Variants in PCNX4 observed in about 807,000 individuals in gnomAD.
The protein encoded by PCNX4 is pecanex 4, also known as pecanex-like protein 4.
Under a neutral mutation model 107.2 loss-of-function variants are expected in PCNX4, and 103 were observed. That is an observed-to-expected ratio of 0.96 (90% CI 0.82 to 1.13). The LOEUF (loss-of-function observed/expected upper bound fraction) is 1.13. Ranked by LOEUF, PCNX4 falls within the 50% of genes most tolerant of loss-of-function variation. The probability of loss-of-function intolerance (pLI) is 0.00; values close to 1 mark genes in which losing one functional copy is unlikely to be tolerated. For missense variants in PCNX4, 1,528 were observed against 1,379.4 expected, an observed-to-expected ratio of 1.11 and a Z score of -1.71; for synonymous variants, 541 against 481.7, an observed-to-expected ratio of 1.12 and a Z score of -1.61.
chr14:60,092,617 A>G (rs1895326006), intron 1 of PCNX4, among the ~76,000 whole-genome samples, 198 bp downstream of exon 1: 1 of 152,174 alleles, frequency 6.6e-6, no homozygotes, highest in African/African-American at 2.4e-5. Flanking sequence ...TGTGATTTTA[A>G]CTTTCCTTTG....
chr14:60,138,294 T>C lies in PCNX4; in HGVS notation c.*4073T>C, dbSNP rs544520674. The C allele has an allele frequency of 1.3e-5, 2 of 152,288 alleles. No homozygotes were observed. Among genetic ancestry groups the C allele is most frequent in the East Asian group, 3.9e-4 (2 of 5,190 alleles). 9.4% of individuals were successfully genotyped at this position (152,288 alleles called of 1,614,324 possible). On this transcript the variant is annotated 3_prime_UTR_variant, in exon 11 of 11. Transcript: ENST00000406854. ...AGATCTAACATACACGTAACTGGATTTCCAGGAGAAGAGAGAATATGGCAG... is the reference window on the plus strand; with the variant it reads ...AGATCTAACATACACGTAACTGGATCTCCAGGAGAAGAGAGAATATGGCAG...
Position 60,121,294 on chromosome 14 carries a change from A to G in PCNX4, c.2041A>G (p.Ile681Val), listed in dbSNP as rs573631882. 1.9e-6 allele frequency: 3 copies of G among 1,608,334 alleles called. No individual in the cohort carries two copies. The highest frequency in any genetic ancestry group is 2.2e-5 in the South Asian group (2 of 89,998). ...TGGCTATACTTACTGCTCTATTAAC[A>G]TTAAGGTCAGTGTGCATATAAAACA... ...ECGYTYCSIN[I>V]KGLELQETSC... Residue 681 changes from isoleucine (I) to valine (V), a missense_variant, in exon 8 of 11, where the codon ATT becomes GTT. By Grantham distance (29) the Ile-to-Val change is conservative (BLOSUM62 3). Transcript: ENST00000406854.
intron 1 of PCNX4, among the ~76,000 whole-genome samples, chr14:60,099,553 T>TAC (rs1895490218): frequency 6.6e-6 from 1 of 152,216 alleles, no homozygotes; most frequent in African/African-American, 2.4e-5. Flanking sequence ...TTTACTGGAT[T>TAC]GTAACCTTTG....
intron 2 of PCNX4, chr14:60,109,279 T>A (rs1319118328): frequency 6.0e-6 from 1 of 167,146 alleles, no homozygotes; most frequent in African/African-American, 2.4e-5. Context: ...TGATGTTGTT[T>A]AAGCCACTCA....
At chr14:60,123,836 T>G (rs1292332606) in intron 8 of PCNX4, among the ~76,000 whole-genome samples, 1 of 152,134 alleles carries the variant, frequency 6.6e-6, no homozygotes, top group Non-Finnish European at 1.5e-5. Flanking sequence ...CATATAATAC[T>G]ACTGTATATA....
At chr14:60,116,941 T>G (rs1326151426) in intron 6 of PCNX4, among the ~76,000 whole-genome samples, 1 of 152,094 alleles carries the variant, frequency 6.6e-6, no homozygotes, top group African/African-American at 2.4e-5. Context: ...AGTTAAAAAT[T>G]TTTAAATAGA....
intron 1 of PCNX4, among the ~76,000 whole-genome samples, chr14:60,100,241 AT>A (rs1555392428): frequency 6.6e-6 from 1 of 152,174 alleles, no homozygotes; most frequent in Non-Finnish European, 1.5e-5. Context: ...CAAAAAAAAA[AT>A]ACCATTTTTC....
chr14:60,097,075 A>C (rs947321307), intron 1 of PCNX4, among the ~76,000 whole-genome samples: 16 of 152,124 alleles, frequency 1.1e-4, no homozygotes, highest in African/African-American at 3.9e-4. Flanking sequence ...TTCTGGCTAC[A>C]AGTTTCTAAA....
rs79894795 is a variant in PCNX4, at chr14:60,140,947, GA to G, written c.*6729del. 0.27 allele frequency: 40,932 copies of G among 152,034 alleles called. 7,446 individuals carry two copies. The highest frequency in any genetic ancestry group is 0.51 in the African/African-American group (21,077 of 41,430). 9.4% of individuals were successfully genotyped at this position (152,034 alleles called of 1,614,324 possible). Reference sequence around the variant, plus strand: ...CATATCCCCCAGAGCAACCTGATAAGAAACTCATGGGATTTTGGCTATGTAA... The same window carrying G: ...CATATCCCCCAGAGCAACCTGATAAGAACTCATGGGATTTTGGCTATGTAA... On this transcript the variant is annotated 3_prime_UTR_variant, in exon 11 of 11. Transcript: ENST00000406854. The surrounding 1 kb of genome is among the most constrained non-coding windows in gnomAD (Gnocchi z 4.2).
chr14:60,096,687 A>G (rs1014724810), intron 1 of PCNX4, among the ~76,000 whole-genome samples: 15 of 152,322 alleles, frequency 9.8e-5, no homozygotes, highest in Non-Finnish European at 1.6e-4. Context: ...GTCTTGTAAT[A>G]TGATAGTGTG....
intron 10 of PCNX4, among the ~76,000 whole-genome samples, chr14:60,131,384 C>G (rs1330485901): frequency 6.6e-6 from 1 of 152,056 alleles, no homozygotes; most frequent in Admixed American, 6.5e-5. Flanking sequence ...GATATAAGAT[C>G]AACATACAAA....
intron 1 of PCNX4, among the ~76,000 whole-genome samples, chr14:60,101,131 G>T (rs1270965403): frequency 6.6e-6 from 1 of 152,216 alleles, no homozygotes; most frequent in African/African-American, 2.4e-5. Flanking sequence ...TTGTCAACCA[G>T]AAAATGTTTA....
At chr14:60,103,725 A>T (rs1566930254) in intron 1 of PCNX4, among the ~76,000 whole-genome samples, 1 of 152,108 alleles carries the variant, frequency 6.6e-6, no homozygotes, top group Non-Finnish European at 1.5e-5. Flanking sequence ...GATGATGGAG[A>T]TTAAAGCATA....
At chr14:60,110,223 T>A (rs1395535955) in intron 2 of PCNX4, 1 of 167,134 alleles carries the variant, frequency 6.0e-6, no homozygotes, top group Non-Finnish European at 1.5e-5. Context: ...TTGAACTTCT[T>A]GGATTTGACA....
At position 60,126,803 on chromosome 14, in the gene PCNX4, T is replaced by A. The variant is rs999811911; in HGVS notation, c.3267+980T>A. ...GCACTTACGGGATGGAGACTTTATC[T>A]TGGGTGTGATGCCACTGAAAATACT... On this transcript the variant is annotated intron_variant, in intron 10 of 10. Transcript: ENST00000406854. Among the ~76,000 whole-genome samples the A allele has an allele frequency of 3.9e-5, 6 of 152,210 alleles. 1 individual carries two copies. The highest frequency in any genetic ancestry group is 7.3e-5 in the Non-Finnish European group (5 of 68,042).
intron 1 of PCNX4, among the ~76,000 whole-genome samples, chr14:60,106,282 C>G (rs575393085): frequency 3.9e-5 from 6 of 152,234 alleles, no homozygotes; most frequent in Admixed American, 3.9e-4. Flanking sequence ...TGCGTATAAC[C>G]TACACACTTC....
At chr14:60,097,155 C>T (rs1895440811) in intron 1 of PCNX4, among the ~76,000 whole-genome samples, 1 of 152,150 alleles carries the variant, frequency 6.6e-6, no homozygotes, top group Non-Finnish European at 1.5e-5. Flanking sequence ...CCTCTAAACC[C>T]CCCAACCATC....
intron 1 of PCNX4, among the ~76,000 whole-genome samples, chr14:60,104,550 C>T (rs2140535122): frequency 6.6e-6 from 1 of 152,142 alleles, no homozygotes; most frequent in South Asian, 2.1e-4. Context: ...TAAAGACATA[C>T]CCAAGACTGG....
In PCNX4 at chr14:60,147,714, A is replaced by G. The variant is rs1264089951; in HGVS notation, c.*13493A>G. ...TATTATCATCATTAATCTCCATCTT[A>G]TATTAATAGATGGGGAGACTGAGTG... On this transcript the variant is annotated 3_prime_UTR_variant, in exon 11 of 11. Transcript: ENST00000406854. 6.6e-6 allele frequency: 1 copy of G among 152,166 alleles called. No homozygotes were observed. The allele number at this position is 152,166 out of a possible 1,614,324, so 9.4% of individuals were successfully genotyped here.
Sources: allele counts gnomAD v4.1 joint callset (sites outside exome capture counted in the v4.1 genomes callset), GRCh38; gene constraint gnomAD v4.1.1; non-coding constraint Gnocchi (gnomAD v3.1); transcripts MANE v1.5; gene names NCBI Gene and HGNC (gene_info 2026-07-23, HGNC 2026-07-21).